Variants in STAB1 observed in about 807,000 individuals in gnomAD.
STAB1 encodes the protein stabilin 1, also known as stabilin-1.
Under a neutral mutation model 332.4 loss-of-function variants are expected in STAB1, and 250 were observed. That is an observed-to-expected ratio of 0.75 (90% CI 0.68 to 0.84). STAB1 has a LOEUF of 0.84. Ranked by LOEUF, STAB1 falls within the 40% of genes least tolerant of loss-of-function variation. The pLI is 0.00. For missense variants in STAB1, 3,249 were observed against 3,489.7 expected (o/e 0.93, Z 1.74); for synonymous variants, 1,475 against 1,390.4 (o/e 1.06, Z -1.35).
Position 52,503,471 on chromosome 3 carries a change from C to T in STAB1, c.822C>T (p.Asp274=), listed in dbSNP as rs1474334870. The T allele has an allele frequency of 6.2e-7, 1 of 1,613,818 alleles. No homozygotes were observed. The highest frequency in any genetic ancestry group is 1.1e-5 in the South Asian group (1 of 91,090). Residue 274 remains aspartate (D), a synonymous_variant, in exon 8 of 69, where the codon GAC becomes GAT. Transcript: ENST00000321725. ...HGDGMVCLPK[D]PCTDNLGGCP... Reference sequence around the variant, plus strand: ...ATGGGATGGTGTGTCTGCCCAAGGACCCATGCACTGACAACCTTGGTGGCT... The same window carrying T: ...ATGGGATGGTGTGTCTGCCCAAGGATCCATGCACTGACAACCTTGGTGGCT...
rs1184860312 is a variant in STAB1 at position 52,505,041 on chromosome 3, G to A, written c.1416G>A (p.Thr472=). The A allele has an allele frequency of 9.9e-6, 16 of 1,613,698 alleles. No individual in the cohort carries two copies. Among genetic ancestry groups the A allele is most frequent in the East Asian group, 2.2e-5 (1 of 44,884 alleles). ...AGTACAAAGACCAGCCCCAGCAGACGTTCAACATCTACAAGGCCAACAACA... is the reference window on the plus strand; with the variant it reads ...AGTACAAAGACCAGCCCCAGCAGACATTCAACATCTACAAGGCCAACAACA... The part of the protein sequence containing the change: ...SYKYKDQPQQ[T]FNIYKANNIA... Residue 472 remains threonine (T), a synonymous_variant, in exon 13 of 69, where the codon ACG becomes ACA. Transcript: ENST00000321725.
chr3:52,522,610 C>G lies in STAB1; in HGVS notation c.6666C>G (p.Asn2222Lys). 2 of 1,613,010 alleles carry G rather than the reference C, an allele frequency of 1.2e-6. No homozygotes were observed. The highest frequency in any genetic ancestry group is 1.7e-6 in the Non-Finnish European group (2 of 1,180,032). Residue 2222 changes from asparagine (N) to lysine (K), a missense_variant, in exon 61 of 69, where the codon AAC (asparagine) becomes AAG (lysine). Asn to Lys is a moderately conservative substitution (Grantham distance 94, BLOSUM62 0). Coordinates refer to ENST00000321725, the MANE Select transcript of STAB1 (RefSeq NM_015136.3). ...LQATSGPYGL[N>K]FSEAEAACEA... is the part of the protein sequence containing the mutation. ...CCACCAGCGGCCCTTATGGTCTGAA[C>G]TTTTCGGAGGCTGAGGCGGCATGCG...
In STAB1 at chr3:52,503,917, C is replaced by G; in HGVS notation, c.1022+15C>G. 6.2e-7 allele frequency: 1 copy of G among 1,612,690 alleles called. No homozygotes were observed. The highest frequency in any genetic ancestry group is 8.5e-7 in the Non-Finnish European group (1 of 1,179,736). On this transcript the variant is annotated intron_variant, in intron 9 of 68. Coordinates refer to ENST00000321725, the MANE Select transcript of STAB1 (RefSeq NM_015136.3). ...GGGAAGACCAGGTGAGCACAGGTGC[C>G]TGGGAGCAGAGACAGTGGGTTGGGC...
chr3:52,523,397 C>CCAGGCCAA (rs1277418529), intron 64 of STAB1, 30 bp from the exon 65 acceptor site: 62 of 1,609,396 alleles, frequency 3.9e-5, no homozygotes, highest in Non-Finnish European at 5.3e-5. Flanking sequence ...TCCATCTGGC[C>CCAGGCCAA]CAGGCCAACA....
At chr3:52,496,402 A>G (rs780649958) in intron 1 of STAB1, among the ~76,000 whole-genome samples, 12 of 152,190 alleles carry the variant, frequency 7.9e-5, no homozygotes, top group Non-Finnish European at 1.6e-4. Context: ...TGGCCAGACT[A>G]AAGTCCAGAG....
At chr3:52,523,794 A>G in intron 66 of STAB1, 38 bp downstream of exon 66, 1 of 1,585,800 alleles carries the variant, frequency 6.3e-7, no homozygotes, top group Non-Finnish European at 8.6e-7. Context: ...CCTTCCTGGC[A>G]CCCCCACAAC....
In STAB1 at chr3:52,501,761, A is replaced by G. The variant is rs755013360; in HGVS notation, c.331+8A>G. On this transcript the variant is annotated splice_region_variant and intron_variant, in intron 3 of 68. Transcript: ENST00000321725. Reference sequence around the variant, plus strand: ...GGGGTTCCCGGTGCCATGGTATGGGAGAAAGGGGGACCCCGCCTTGCGCCT... The same window carrying G: ...GGGGTTCCCGGTGCCATGGTATGGGGGAAAGGGGGACCCCGCCTTGCGCCT... 6.4e-7 allele frequency: 1 copy of G among 1,554,060 alleles called. No individual in the cohort carries two copies. Among genetic ancestry groups the G allele is most frequent in the Non-Finnish European group, 8.7e-7 (1 of 1,149,278 alleles).
rs775735258 is a variant in STAB1 at position 52,518,602 on chromosome 3, A to G, written c.4876A>G (p.Asn1626Asp). The change falls in exon 47 of 69, where the codon AAC (asparagine) becomes GAC (aspartate). Residue 1626 changes from asparagine (N) to aspartate (D), a missense_variant. Transcript: ENST00000321725. ...CGTGCCGCACGCAGATCTAATGAGC[A>G]ACCTGTCGCAGGTATGCAGCCCCCA... ...IFVPHADLMS[N>D]LSQDELARIR... The G allele has an allele frequency of 6.2e-7, 1 of 1,606,044 alleles. No individual in the cohort carries two copies. Among genetic ancestry groups the G allele is most frequent in the South Asian group, 1.1e-5 (1 of 89,984 alleles).
chr3:52,497,498 T>G (rs1312229998), intron 1 of STAB1, among the ~76,000 whole-genome samples: 1 of 145,360 alleles, frequency 6.9e-6, no homozygotes, highest in African/African-American at 2.5e-5. Flanking sequence ...CTGCAACCTC[T>G]GCCTCCCAGC....
In STAB1 at chr3:52,506,650, GC is replaced by G. The variant is rs757188160; in HGVS notation, c.1831-40del. 4.0e-5 allele frequency: 62 copies of G among 1,568,748 alleles called. No individual in the cohort carries two copies. In the African/African-American group the frequency reaches 8.2e-4, roughly 21 times the overall value. ...AGGTGGGCAGCCCCACCGGGCCAAGGCCAGCCAGGCTGGGGGTTGGCTCAGT... is the reference window on the plus strand; with the variant it reads ...AGGTGGGCAGCCCCACCGGGCCAAGGCAGCCAGGCTGGGGGTTGGCTCAGT... On this transcript the variant is annotated intron_variant, in intron 17 of 68. Coordinates refer to ENST00000321725, the MANE Select transcript of STAB1 (RefSeq NM_015136.3).
chr3:52,523,670 G>A lies in STAB1; in HGVS notation c.7309G>A (p.Val2437Ile), dbSNP rs140507987. 2.2e-5 allele frequency: 36 copies of A among 1,612,908 alleles called. No homozygotes were observed. Among genetic ancestry groups the A allele is most frequent in the Non-Finnish European group, 3.1e-5 (36 of 1,179,974 alleles). The change falls in exon 66 of 69, where the codon GTT becomes ATT. Residue 2437 changes from valine (V) to isoleucine (I), a missense_variant. Physicochemically the swap from Val to Ile is conservative, Grantham distance 29. Coordinates refer to ENST00000321725, the MANE Select transcript of STAB1 (RefSeq NM_015136.3). ...CCTGCAGGCCCCAGGGACAGTTGTG[G>A]TTAGCCGTATCATTGTGTGGGACAT... The part of the protein sequence containing the change: ...WAPVAPGTVV[V>I]SRIIVWDIMA...
At chr3:52,518,426 T>C (rs1203725138) in intron 46 of STAB1, 67 bp downstream of exon 46, 41 of 1,584,922 alleles carry the variant, frequency 2.6e-5, no homozygotes, top group Middle Eastern at 1.7e-4. Flanking sequence ...TGTCCCCATC[T>C]GGTCAGGGGG....
Position 52,511,684 on chromosome 3 carries a change from A to T in STAB1, c.2822A>T (p.Asp941Val). The T allele has an allele frequency of 6.2e-7, 1 of 1,610,852 alleles. No individual in the cohort carries two copies. Among genetic ancestry groups the T allele is most frequent in the Non-Finnish European group, 8.5e-7 (1 of 1,178,732 alleles). Residue 941 changes from aspartate to valine, a missense_variant, in exon 26 of 69, where the codon GAT (aspartate) becomes GTT (valine). Transcript: ENST00000321725. ...ACCTGCAAGCTGGGCTTTGCCGGGG[A>T]TGGCTACCAGTGCAGCCCCATCGAC... Reference protein sequence around the residue: ...RCTCKLGFAGDGYQCSPIDPC... With the variant: ...RCTCKLGFAGVGYQCSPIDPC...
chr3:52,518,108 C>G, intron 45 of STAB1, 105 bp downstream of exon 45: 3 of 1,521,166 alleles, frequency 2.0e-6, no homozygotes, highest in Non-Finnish European at 2.6e-6. Flanking sequence ...CTGGCCCTGA[C>G]CATGACACTG....
rs1417064098 is a variant in STAB1, at chr3:52,504,765, A to G, written c.1266A>G (p.Arg422=). The G allele has an allele frequency of 1.2e-6, 2 of 1,613,716 alleles. No individual in the cohort carries two copies. Among genetic ancestry groups the G allele is most frequent in the Non-Finnish European group, 1.7e-6 (2 of 1,180,024 alleles). Residue 422 remains arginine (R), a synonymous_variant, in exon 12 of 69, where the codon AGA becomes AGG. Coordinates refer to ENST00000321725, the MANE Select transcript of STAB1 (RefSeq NM_015136.3). ...MNASLAQQLC[R]QHIIAGQHIL... ...CATCCCTTGCCCAGCAGCTCTGTAG[A>G]CAGCACATCATCGCAGGGCAGCACA...
rs757842728 is a variant in STAB1 at position 52,517,079 on chromosome 3, G to A, written c.4459G>A (p.Gly1487Ser). 2 of 1,580,658 alleles carry A rather than the reference G, an allele frequency of 1.3e-6. No individual in the cohort carries two copies. The highest frequency in any genetic ancestry group is 3.6e-5 in the Admixed American group (2 of 55,664). Residue 1487 changes from glycine (G) to serine (S), a missense_variant, in exon 42 of 69, where the codon GGC (glycine) becomes AGC (serine). Gly to Ser is a moderately conservative substitution (Grantham distance 56). Coordinates refer to ENST00000321725, the MANE Select transcript of STAB1 (RefSeq NM_015136.3). Reference protein sequence around the residue: ...PGQRTCTCQDGYMGDGELCQE... With the variant: ...PGQRTCTCQDSYMGDGELCQE... ...GCAGCGGACATGCACCTGCCAGGATGGCTACATGGGCGACGGGGAGCTGTG... is the reference window on the plus strand; with the variant it reads ...GCAGCGGACATGCACCTGCCAGGATAGCTACATGGGCGACGGGGAGCTGTG...
rs769872248 is a variant in STAB1, at chr3:52,505,043, T to A, written c.1418T>A (p.Phe473Tyr). 2 of 1,613,784 alleles carry A rather than the reference T, an allele frequency of 1.2e-6. No individual in the cohort carries two copies. Among genetic ancestry groups the A allele is most frequent in the East Asian group, 2.2e-5 (1 of 44,866 alleles). Reference sequence around the variant, plus strand: ...TACAAAGACCAGCCCCAGCAGACGTTCAACATCTACAAGGCCAACAACATA... The same window carrying A: ...TACAAAGACCAGCCCCAGCAGACGTACAACATCTACAAGGCCAACAACATA... ...YKYKDQPQQT[F>Y]NIYKANNIAA... is the part of the protein sequence containing the mutation. Residue 473 changes from phenylalanine to tyrosine, a missense_variant, in exon 13 of 69, where the codon TTC becomes TAC. By Grantham distance (22) the Phe-to-Tyr change is conservative (BLOSUM62 3). Transcript: ENST00000321725.
chr3:52,508,449 G>A, intron 21 of STAB1, 90 bp downstream of exon 21: 1 of 1,232,064 alleles, frequency 8.1e-7, no homozygotes, highest in African/African-American at 1.5e-5. Flanking sequence ...TCTGGGCCAA[G>A]CCTGCCACTC....
At position 52,518,796 on chromosome 3, in the gene STAB1, G is replaced by A. The variant is rs779957209; in HGVS notation, c.4961G>A (p.Arg1654Gln). Residue 1654 changes from arginine to glutamine, a missense_variant, in exon 48 of 69, where the codon CGG (arginine) becomes CAG (glutamine). Physicochemically the swap from Arg to Gln is conservative, Grantham distance 43. Coordinates refer to ENST00000321725, the MANE Select transcript of STAB1 (RefSeq NM_015136.3). ...CACGTGGTTGGCTGTCGGCGGCTGC[G>A]GAGCGAGGACCTGCTGGAGCAGGGG... is the stretch of plus-strand genomic sequence containing the variant. ...RYHVVGCRRL[R>Q]SEDLLEQGYA... 3 of 1,611,906 alleles carry A rather than the reference G, an allele frequency of 1.9e-6. No homozygotes were observed. The highest frequency in any genetic ancestry group is 1.7e-5 in the Admixed American group (1 of 59,986).
Sources: gnomAD v4.1 joint callset for allele counts (sites outside exome capture counted in the v4.1 genomes callset) on GRCh38, gnomAD v4.1.1 for gene constraint, MANE v1.5 for transcripts, NCBI Gene and HGNC (gene_info 2026-07-23, HGNC 2026-07-21) for gene names.